The following RBFOX1 variants were observed in gnomAD, a reference collection of about 807,000 sequenced individuals.
The protein encoded by RBFOX1 is RNA binding protein fox-1 homolog 1.
In RBFOX1, 8 loss-of-function variants were observed where a neutral mutation model predicts 57.7. That is an observed-to-expected ratio of 0.14 (90% confidence interval 0.08 to 0.25). The LOEUF (loss-of-function observed/expected upper bound fraction) is 0.25, where lower values mean the gene tolerates loss of function less well. Among genes scored for constraint, RBFOX1 ranks in the 10% least tolerant of loss-of-function variants. The pLI is 1.00. For missense variants in RBFOX1, 611 were observed against 548.5 expected (o/e 1.11, Z -1.14); for synonymous variants, 326 against 222.4 (o/e 1.47, Z -4.15).
At chr16:6,430,032 C>T (rs1233392570) in intron 2 of RBFOX1, among the ~76,000 whole-genome samples, 1 of 151,788 alleles carries the variant, frequency 6.6e-6, no homozygotes, top group Non-Finnish European at 1.5e-5. Context: ...TACTTGAACC[C>T]AGGTGGTGGA....
At chr16:5,525,161 G>A (rs1184173750) in intron 2 of RBFOX1, among the ~76,000 whole-genome samples, 1 of 152,118 alleles carries the variant, frequency 6.6e-6, no homozygotes, top group East Asian at 1.9e-4. Flanking sequence ...TGCTCCCAGG[G>A]CAGAGTGGCT....
At chr16:5,723,524 C>G (rs1056567879) in intron 3 of RBFOX1, among the ~76,000 whole-genome samples, 1 of 151,640 alleles carries the variant, frequency 6.6e-6, no homozygotes, top group Non-Finnish European at 1.5e-5. Context: ...TGGATGGTGT[C>G]TGAGATCTGA....
chr16:6,795,000 C>G (rs775371467), intron 3 of RBFOX1, among the ~76,000 whole-genome samples: 40 of 152,124 alleles, frequency 2.6e-4, no homozygotes, highest in Non-Finnish European at 5.3e-4. Context: ...AAATTCACAT[C>G]TCCTGACAGT....
intron 2 of RBFOX1, among the ~76,000 whole-genome samples, chr16:6,360,749 T>G (rs2088315150): frequency 1.3e-5 from 2 of 152,174 alleles, no homozygotes; most frequent in African/African-American, 4.8e-5. Flanking sequence ...AAGAAGCTAT[T>G]CATTTGTTTT....
intron 4 of RBFOX1, among the ~76,000 whole-genome samples, chr16:7,499,073 G>A (rs377560742): frequency 1.3e-5 from 2 of 152,238 alleles, no homozygotes; most frequent in Admixed American, 6.5e-5. Context: ...CCAGGGCTAC[G>A]AAAACAAAGA....
Position 7,186,765 on chromosome 16 carries a change from A to G in RBFOX1, c.27+134667A>G, listed in dbSNP as rs577525175. On this transcript the variant is annotated intron_variant, in intron 4 of 15. Coordinates refer to ENST00000550418, the MANE Select transcript of RBFOX1 (RefSeq NM_018723.4). ...ATGAAGCAATGACATTATTATAACT[A>G]ACAGCATTAACTTAAATCTATCCTG... 5.3e-5 allele frequency among the ~76,000 whole-genome samples: 8 copies of G among 150,972 alleles called. No individual in the cohort carries two copies. In the East Asian group the frequency reaches 1.4e-3, roughly 26 times the overall value.
intron 4 of RBFOX1, among the ~76,000 whole-genome samples, chr16:7,417,528 T>TTG (rs545621108): frequency 0.056 from 3,831 of 68,370 alleles, 68 homozygotes; most frequent in African/African-American, 0.093. Context: ...TCACATGGTA[T>TTG]TGTGTGTGTG....
chr16:7,612,262 A>C lies in RBFOX1; in HGVS notation c.676+4924A>C, dbSNP rs934095909. Among the ~76,000 whole-genome samples the C allele has an allele frequency of 2.9e-5, 4 of 140,176 alleles. No individual in the cohort carries two copies. In the East Asian group the frequency reaches 8.9e-4, roughly 31 times the overall value. 92.0% of individuals were successfully genotyped at this position (140,176 alleles called of 152,430 possible). A position where few individuals can be genotyped will look rare whatever the true frequency, so the allele number is the denominator to read the frequency against. On this transcript the variant is annotated intron_variant, in intron 10 of 15. Coordinates refer to ENST00000550418, the MANE Select transcript of RBFOX1 (RefSeq NM_018723.4). ...CATGAACCCGGGAGGCGGAGCTTGCAGTGAGCCCAGATCGCGCCACTGCAC... is the reference window on the plus strand; with the variant it reads ...CATGAACCCGGGAGGCGGAGCTTGCCGTGAGCCCAGATCGCGCCACTGCAC...
At chr16:6,881,907 G>C (rs1395612825) in intron 3 of RBFOX1, among the ~76,000 whole-genome samples, 1 of 152,178 alleles carries the variant, frequency 6.6e-6, no homozygotes, top group East Asian at 1.9e-4. Context: ...CTGTATAGCA[G>C]GATTTAGATG....
intron 5 of RBFOX1, among the ~76,000 whole-genome samples, chr16:7,555,169 T>C (rs1377386857): frequency 6.6e-6 from 1 of 152,176 alleles, no homozygotes; most frequent in Non-Finnish European, 1.5e-5. Context: ...CAGATTTAAG[T>C]ACAGAAAGAA....
At chr16:6,931,544 C>G (rs186404835) in intron 3 of RBFOX1, among the ~76,000 whole-genome samples, 1 of 152,096 alleles carries the variant, frequency 6.6e-6, no homozygotes, top group African/African-American at 2.4e-5. Flanking sequence ...AATTTGTTCA[C>G]CCAAGGGCTT....
chr16:7,170,108 A>G (rs999582303), intron 4 of RBFOX1, among the ~76,000 whole-genome samples: 1 of 152,140 alleles, frequency 6.6e-6, no homozygotes, highest in African/African-American at 2.4e-5. Flanking sequence ...TATTTGGTGT[A>G]TGCATGCTGG....
chr16:7,518,457 G>A lies in RBFOX1; in HGVS notation c.270+68G>A, dbSNP rs2076846681. 10 of 1,533,134 alleles carry A rather than the reference G, an allele frequency of 6.5e-6. No individual in the cohort carries two copies. In the East Asian group the frequency reaches 9.1e-5, roughly 14 times the overall value. 95.0% of individuals were successfully genotyped at this position (1,533,134 alleles called of 1,614,324 possible). ...CGCCCCCAGCCCTGGTAATGGCAGC[G>A]GGGGTGCACCCCCATCTACCCAGGG... On this transcript the variant is annotated intron_variant, in intron 5 of 15. Coordinates refer to ENST00000550418, the MANE Select transcript of RBFOX1 (RefSeq NM_018723.4).
At chr16:6,521,029 C>G (rs565515861) in intron 2 of RBFOX1, among the ~76,000 whole-genome samples, 8 of 152,006 alleles carry the variant, frequency 5.3e-5, no homozygotes, top group Non-Finnish European at 1.0e-4. Flanking sequence ...TATATCAAAA[C>G]CTTTTTACAA....
At chr16:7,457,309 G>A (rs1399555014) in intron 4 of RBFOX1, among the ~76,000 whole-genome samples, 1 of 152,178 alleles carries the variant, frequency 6.6e-6, no homozygotes, top group African/African-American at 2.4e-5. Context: ...CTTCCGATCT[G>A]TGTCCTGGGT....
chr16:6,247,252 G>A (rs1437349581), intron 1 of RBFOX1, among the ~76,000 whole-genome samples: 1 of 152,158 alleles, frequency 6.6e-6, no homozygotes, highest in East Asian at 1.9e-4. Context: ...CTTGCTGGAC[G>A]TGTAATAGTT....
chr16:7,621,880 A>C (rs950045098), intron 10 of RBFOX1, among the ~76,000 whole-genome samples: 1 of 152,208 alleles, frequency 6.6e-6, no homozygotes, highest in Non-Finnish European at 1.5e-5. Flanking sequence ...CTGTGCAATT[A>C]CTCAGCCCTG....
chr16:5,990,741 G>T (rs1347443739), intron 4 of RBFOX1, among the ~76,000 whole-genome samples: 1 of 152,228 alleles, frequency 6.6e-6, no homozygotes, highest in Non-Finnish European at 1.5e-5. Flanking sequence ...GCTGAGGCGG[G>T]CAGATCGCTG....
intron 3 of RBFOX1, among the ~76,000 whole-genome samples, chr16:5,648,670 G>C (rs894779416): frequency 6.6e-6 from 1 of 152,014 alleles, no homozygotes; most frequent in African/African-American, 2.4e-5. Flanking sequence ...AAGGAGAAAA[G>C]AAAAAAATGC....
Sources: allele counts gnomAD v4.1 joint callset (sites outside exome capture counted in the v4.1 genomes callset), GRCh38; gene constraint gnomAD v4.1.1; transcripts MANE v1.5; gene names NCBI Gene and HGNC (gene_info 2026-07-23, HGNC 2026-07-21).